The following NEIL1 variants were observed in gnomAD, a reference collection of about 807,000 sequenced individuals.
NEIL1 encodes nei like DNA glycosylase 1.
A neutral mutation model predicts 44.2 loss-of-function variants in NEIL1; 31 were observed. The observed-to-expected ratio is 0.70, with a 90% CI of 0.53 to 0.95. The LOEUF is 0.95. NEIL1 is among the 40% of genes least tolerant of loss of function. The pLI is 0.00. For synonymous variants in NEIL1, 254 were observed against 209.7 expected, an observed-to-expected ratio of 1.21 and a Z score of -1.83; for missense variants, 549 against 515.5, an observed-to-expected ratio of 1.07 and a Z score of -0.63.
rs1595873291 is a variant in NEIL1 at position 75,356,693 on chromosome 15, G to C, written c.*1659G>C. 6.2e-7 allele frequency: 1 copy of C among 1,602,934 alleles called. No individual in the cohort carries two copies. Among genetic ancestry groups the C allele is most frequent in the East Asian group, 2.3e-5 (1 of 44,216 alleles). Reference sequence around the variant, plus strand: ...GCTTTAGGCGCCCGCAAGCTGGGGTGAGGAGGGCGCGTAGGGGCCACGCTG... The same window carrying C: ...GCTTTAGGCGCCCGCAAGCTGGGGTCAGGAGGGCGCGTAGGGGCCACGCTG... On this transcript the variant is annotated 3_prime_UTR_variant, in exon 10 of 10. Coordinates refer to ENST00000355059, the MANE Select transcript of NEIL1 (RefSeq NM_024608.4). This position sits in a 1 kb window ranked among gnomAD's most constrained non-coding sequence, Gnocchi z 5.8.
intron 1 of NEIL1, chr15:75,348,573 G>A: frequency 8.1e-7 from 1 of 1,234,270 alleles, no homozygotes; most frequent in Non-Finnish European, 1.0e-6. Context: ...CCGGGAAGAA[G>A]TAAGGCTGCA....
chr15:75,354,599 C>A, intron 8 of NEIL1, 54 bp from the exon 9 acceptor site: 3 of 1,613,432 alleles, frequency 1.9e-6, no homozygotes, highest in Non-Finnish European at 2.5e-6. Context: ...GGGCCCTAAC[C>A]AACCTCTGAA....
rs753897562 is a variant in NEIL1 at position 75,355,915 on chromosome 15, C to T, written c.*881C>T. ...CCCCAGCCCCAGGGACTCAGTGTGG[C>T]GGAGGCTGAAGCACGAGCAACAGGG... is the stretch of plus-strand genomic sequence containing the variant. On this transcript the variant is annotated 3_prime_UTR_variant, in exon 10 of 10. Transcript: ENST00000355059. 37 of 1,614,066 alleles carry T rather than the reference C, an allele frequency of 2.3e-5. No individual in the cohort carries two copies. The highest frequency in any genetic ancestry group is 2.7e-5 in the African/African-American group (2 of 74,930).
intron 8 of NEIL1, 52 bp from the exon 9 acceptor site, chr15:75,354,592 CCCTAACCAA>C: frequency 6.2e-7 from 1 of 1,612,558 alleles, no homozygotes; most frequent in Non-Finnish European, 8.5e-7. Flanking sequence ...GAGTGGTGGG[CCCTAACCAA>C]CCTCTGAACT....
In NEIL1 at chr15:75,356,465, G is replaced by A. The variant is rs182099849; in HGVS notation, c.*1431G>A. The stretch of plus-strand genomic sequence containing the variant: ...TGGAAAGAGCCTGGGGTACGACCAG[G>A]AAACAATGCTGGTGGAGAATGGGGG... On this transcript the variant is annotated 3_prime_UTR_variant, in exon 10 of 10. Transcript: ENST00000355059. This position sits in a 1 kb window ranked among gnomAD's most constrained non-coding sequence, Gnocchi z 5.8. 9.4e-4 allele frequency: 1,495 copies of A among 1,586,592 alleles called. 2 individuals carry two copies. Among genetic ancestry groups the A allele is most frequent in the Non-Finnish European group, 1.1e-3 (1,303 of 1,167,956 alleles).
Position 75,354,837 on chromosome 15 carries a change from T to C in NEIL1, c.1102+19T>C. On this transcript the variant is annotated intron_variant, in intron 9 of 9. Coordinates refer to ENST00000355059, the MANE Select transcript of NEIL1 (RefSeq NM_024608.4). ...GCCTCTGGTGGGCTTTCCTCATCAC[T>C]CCCAGAAACTGGCTCTACAGGAGAG... The C allele has an allele frequency of 6.2e-7, 1 of 1,613,800 alleles. No homozygotes were observed. Among genetic ancestry groups the C allele is most frequent in the Non-Finnish European group, 8.5e-7 (1 of 1,179,966 alleles).
intron 1 of NEIL1, 176 bp downstream of exon 1, chr15:75,347,649 A>C: frequency 4.1e-6 from 1 of 245,636 alleles, no homozygotes; most frequent in Non-Finnish European, 6.7e-6. Flanking sequence ...GACGAGCGGA[A>C]CGGAGTGCGG....
intron 1 of NEIL1, 77 bp from the exon 2 acceptor site, chr15:75,348,804 TCTC>T (rs1488112881): frequency 4.6e-6 from 7 of 1,531,986 alleles, no homozygotes; most frequent in East Asian, 4.6e-5. Context: ...CCCTCCGAGT[TCTC>T]CTCTAAAAAT....
rs1223360538 is a variant in NEIL1 at position 75,352,619 on chromosome 15, G to A, written c.636G>A (p.Leu212=). ...QQHRPSPELT[L]SQKIRTKLQN... Reference sequence around the variant, plus strand: ...TTCCTCAGAGCCCGGAGCTGACCCTGAGCCAGAAGATAAGGACCAAGCTGC... The same window carrying A: ...TTCCTCAGAGCCCGGAGCTGACCCTAAGCCAGAAGATAAGGACCAAGCTGC... Residue 212 remains leucine, a synonymous_variant, in exon 5 of 10, where the codon CTG becomes CTA. Transcript: ENST00000355059. 4 of 1,613,348 alleles carry A rather than the reference G, an allele frequency of 2.5e-6. 1 individual carries two copies. Among genetic ancestry groups the A allele is most frequent in the South Asian group, 2.2e-5 (2 of 90,884 alleles).
rs1190136561 is a variant in NEIL1 at position 75,356,488 on chromosome 15, G to A, written c.*1454G>A. On this transcript the variant is annotated 3_prime_UTR_variant, in exon 10 of 10. Transcript: ENST00000355059. The surrounding 1 kb of genome is among the most constrained non-coding windows in gnomAD (Gnocchi z 5.8). ...AGGAAACAATGCTGGTGGAGAATGG[G>A]GGCTACCCTCCCCTGTCCCTAGAAG... 2 of 1,573,334 alleles carry A rather than the reference G, an allele frequency of 1.3e-6. No individual in the cohort carries two copies. The highest frequency in any genetic ancestry group is 2.7e-5 in the African/African-American group (2 of 74,424).
Position 75,353,805 on chromosome 15 carries a change from G to C in NEIL1, c.785G>C (p.Cys262Ser), listed in dbSNP as rs778957238. The C allele has an allele frequency of 6.2e-7, 1 of 1,613,896 alleles. No homozygotes were observed. Among genetic ancestry groups the C allele is most frequent in the Non-Finnish European group, 8.5e-7 (1 of 1,179,984 alleles). The change falls in exon 6 of 10, where the codon TGC (cysteine) becomes TCC (serine). Residue 262 changes from cysteine (C) to serine (S), a missense_variant. Physicochemically the swap from Cys to Ser is moderately radical, Grantham distance 112 (BLOSUM62 -1). Coordinates refer to ENST00000355059, the MANE Select transcript of NEIL1 (RefSeq NM_024608.4). ...GCTGCCTTTCGAGCCTGGCTGCGCT[G>C]CTATGGCATGCCAGGCATGAGCTCC... ...DFAAFRAWLR[C>S]YGMPGMSSLQ...
intron 2 of NEIL1, among the ~76,000 whole-genome samples, chr15:75,350,599 T>TG (rs1291089277): frequency 2.6e-5 from 4 of 152,148 alleles, no homozygotes; most frequent in Non-Finnish European, 5.9e-5. Context: ...TTAGGAGACT[T>TG]GGATACCTGT....
Position 75,352,139 on chromosome 15 carries a change from A to G in NEIL1, c.463A>G (p.Lys155Glu), listed in dbSNP as rs1194991971. 2 of 1,614,114 alleles carry G rather than the reference A, an allele frequency of 1.2e-6. No homozygotes were observed. The highest frequency in any genetic ancestry group is 1.7e-6 in the Non-Finnish European group (2 of 1,179,972). Residue 155 changes from lysine (K) to glutamate (E), a missense_variant, in exon 3 of 10, where the codon AAG (lysine) becomes GAG (glutamate). Lys to Glu is a moderately conservative substitution (Grantham distance 56). Coordinates refer to ENST00000355059, the MANE Select transcript of NEIL1 (RefSeq NM_024608.4). Reference protein sequence around the residue: ...RENVLRNLADKAFDRPICEAL... With the variant: ...RENVLRNLADEAFDRPICEAL... Reference sequence around the variant, plus strand: ...GAATGTGCTACGAAACCTAGCGGATAAGGCCTTTGACCGGCCCATCTGCGA... The same window carrying G: ...GAATGTGCTACGAAACCTAGCGGATGAGGCCTTTGACCGGCCCATCTGCGA...
rs990300464 is a variant in NEIL1, at chr15:75,351,205, C to T, written c.435-906C>T. ...TGCAAACACACTTGAGGTCCTGTGGCCACACTGTTCTCATGTCCTGAGGAG... is the reference window on the plus strand; with the variant it reads ...TGCAAACACACTTGAGGTCCTGTGGTCACACTGTTCTCATGTCCTGAGGAG... On this transcript the variant is annotated intron_variant, in intron 2 of 9. Coordinates refer to ENST00000355059, the MANE Select transcript of NEIL1 (RefSeq NM_024608.4). 7 of 449,822 alleles carry T rather than the reference C, an allele frequency of 1.6e-5. No homozygotes were observed. The East Asian group carries it at 4.9e-4, about 31-fold the overall frequency. The allele number at this position is 449,822 out of a possible 1,614,324, so 27.9% of individuals were successfully genotyped here. A position where few individuals can be genotyped will look rare whatever the true frequency, so the allele number is the denominator to read the frequency against.
intron 2 of NEIL1, 34 bp downstream of exon 2, chr15:75,349,373 G>C (rs5745909): frequency 6.4e-7 from 1 of 1,557,708 alleles, no homozygotes; most frequent in Non-Finnish European, 8.7e-7. Context: ...GAACATAGTC[G>C]CGGGCTCCAC....
rs5745928 is a variant in NEIL1, at chr15:75,353,916, G to A, written c.846+50G>A. ...CAGAGACCCCAGGAGGCTGATGGGT[G>A]GAAACGTGGGGTCACAATAACTGGG... On this transcript the variant is annotated intron_variant, in intron 6 of 9. Transcript: ENST00000355059. 1.2e-4 allele frequency: 192 copies of A among 1,605,680 alleles called. No individual in the cohort carries two copies. The East Asian group carries it at 3.6e-3, about 30-fold the overall frequency.
At chr15:75,352,464 C>G (rs1189970494) in intron 4 of NEIL1, 77 bp downstream of exon 4, 1 of 1,579,492 alleles carries the variant, frequency 6.3e-7, no homozygotes, top group African/African-American at 1.3e-5. Flanking sequence ...TGGGTGGGGT[C>G]AGGTGTCCCC....
At chr15:75,347,935 GCTAAGTGCCC>G in intron 1 of NEIL1, 1 of 1,248,596 alleles carries the variant, frequency 8.0e-7, no homozygotes, top group East Asian at 6.2e-5. Context: ...GTCTGCCGTC[GCTAAGTGCCC>G]CCTTCCACTT....
In NEIL1 at chr15:75,355,044, C is replaced by G. The variant is rs757098591; in HGVS notation, c.*10C>G. 5 of 1,610,800 alleles carry G rather than the reference C, an allele frequency of 3.1e-6. No homozygotes were observed. Among genetic ancestry groups the G allele is most frequent in the Non-Finnish European group, 4.2e-6 (5 of 1,177,742 alleles). ...GACCTCAGCCTCTTAGCAGGAGGCT[C>G]TCCTTGCTTGCACTCACCCTTTCTT... On this transcript the variant is annotated 3_prime_UTR_variant, in exon 10 of 10. Coordinates refer to ENST00000355059, the MANE Select transcript of NEIL1 (RefSeq NM_024608.4).
Sources: gnomAD v4.1 joint callset for allele counts (sites outside exome capture counted in the v4.1 genomes callset) on GRCh38, gnomAD v4.1.1 for gene constraint, Gnocchi (gnomAD v3.1) non-coding constraint, MANE v1.5 for transcripts, NCBI Gene and HGNC (gene_info 2026-07-23, HGNC 2026-07-21) for gene names.